Variants in BMPER observed in about 807,000 individuals in gnomAD.
BMPER encodes BMP binding endothelial regulator.
Under a neutral mutation model 87.3 loss-of-function variants are expected in BMPER, and 45 were observed. The ratio of observed to expected loss-of-function variants is 0.52; its 90% confidence interval spans 0.41 to 0.66. BMPER has a LOEUF of 0.66. Ranked by LOEUF, BMPER falls within the 30% of genes least tolerant of loss-of-function variation. The pLI is 0.00. For missense variants in BMPER, 784 were observed against 867.5 expected (o/e 0.90, Z 1.21); for synonymous variants, 326 against 316.2 (o/e 1.03, Z -0.33).
intron 13 of BMPER, among the ~76,000 whole-genome samples, chr7:34,124,149 G>A (rs953813754): frequency 1.3e-5 from 2 of 152,098 alleles, no homozygotes; most frequent in African/African-American, 4.8e-5. Context: ...TTGTCTTGGT[G>A]TAGCTCATTG....
At chr7:34,008,525 A>G (rs1207093971) in intron 6 of BMPER, among the ~76,000 whole-genome samples, 1 of 151,056 alleles carries the variant, frequency 6.6e-6, no homozygotes, top group Non-Finnish European at 1.5e-5. Flanking sequence ...TCTTTTTATG[A>G]TTTTCCAGAA....
intron 13 of BMPER, among the ~76,000 whole-genome samples, chr7:34,096,022 G>T (rs1789521450): frequency 2.0e-5 from 3 of 152,062 alleles, no homozygotes; most frequent in Admixed American, 2.0e-4. Flanking sequence ...CAGATGGAAT[G>T]ACCAAGGTGT....
chr7:33,922,312 T>C (rs1784252175), intron 2 of BMPER, among the ~76,000 whole-genome samples: 1 of 152,238 alleles, frequency 6.6e-6, no homozygotes, highest in African/African-American at 2.4e-5. Flanking sequence ...AATTCCATGA[T>C]GTCACCATTC....
intron 6 of BMPER, among the ~76,000 whole-genome samples, chr7:33,992,503 A>T (rs1401904752): frequency 6.7e-6 from 1 of 148,156 alleles, no homozygotes; most frequent in Non-Finnish European, 1.5e-5. Context: ...TTTTGAGCCT[A>T]TGTGTGTCTC....
At chr7:34,016,774 A>G (rs139220880) in intron 6 of BMPER, among the ~76,000 whole-genome samples, 9 of 151,960 alleles carry the variant, frequency 5.9e-5, no homozygotes, top group African/African-American at 2.2e-4. Flanking sequence ...AACTGCCCTG[A>G]CAAACCCATT....
chr7:33,986,459 T>TG (rs1252948899), intron 6 of BMPER, among the ~76,000 whole-genome samples: 1 of 152,244 alleles, frequency 6.6e-6, no homozygotes, highest in Non-Finnish European at 1.5e-5. Flanking sequence ...TCCATGTTCT[T>TG]GAAAATGAGT....
intron 13 of BMPER, among the ~76,000 whole-genome samples, chr7:34,133,752 T>G (rs886993045): frequency 6.6e-6 from 1 of 152,126 alleles, no homozygotes; most frequent in Non-Finnish European, 1.5e-5. Context: ...CAGAATTGAG[T>G]TAAATTTCAG....
intron 3 of BMPER, among the ~76,000 whole-genome samples, chr7:33,964,223 T>C (rs1164897975): frequency 6.6e-6 from 1 of 152,202 alleles, no homozygotes; most frequent in African/African-American, 2.4e-5. Flanking sequence ...AGTCCTTACA[T>C]ATGAAATCCA....
chr7:34,085,917 G>T lies in BMPER; in HGVS notation c.1570G>T (p.Glu524Ter), dbSNP rs1438260145. 1 of 1,614,140 alleles carries T rather than the reference G, an allele frequency of 6.2e-7. No homozygotes were observed. ...CAAGTTTGATGTGGATGACTTTGCT[G>T]AATCTTGGAGGGTGGAGTCCAATGA... is the stretch of plus-strand genomic sequence containing the variant. ...NFKFDVDDFA[E>*]SWRVESNEFC... is the part of the protein sequence containing the mutation. The change falls in exon 13 of 15, where the codon GAA becomes TAA. Residue 524 changes from glutamate to a stop codon, truncating the protein, a stop_gained. Coordinates refer to ENST00000649409, the MANE Select transcript of BMPER (RefSeq NM_001365308.1). LOFTEE classifies it high-confidence loss of function.
chr7:34,038,977 C>G (rs903544257), intron 6 of BMPER, among the ~76,000 whole-genome samples: 4 of 152,180 alleles, frequency 2.6e-5, no homozygotes, highest in African/African-American at 9.7e-5. Flanking sequence ...ACAGTTCTAC[C>G]CTGTCAGCTC....
intron 11 of BMPER, among the ~76,000 whole-genome samples, chr7:34,076,238 C>G (rs1328054147): frequency 1.3e-5 from 2 of 152,132 alleles, no homozygotes; most frequent in Non-Finnish European, 2.9e-5. Context: ...TCTGCTGCTT[C>G]TATGACGACT....
chr7:34,113,980 TTC>T (rs1337354461), intron 13 of BMPER, among the ~76,000 whole-genome samples: 1 of 152,230 alleles, frequency 6.6e-6, no homozygotes, highest in Non-Finnish European at 1.5e-5. Flanking sequence ...TGGTGCCGTC[TTC>T]TCTCTTACTG....
chr7:34,045,908 C>A (rs1425619131), intron 6 of BMPER, among the ~76,000 whole-genome samples: 1 of 152,124 alleles, frequency 6.6e-6, no homozygotes, highest in East Asian at 1.9e-4. Flanking sequence ...AAAGAGAAGG[C>A]AGTGACCTAT....
At chr7:34,009,193 C>G (rs1786815017) in intron 6 of BMPER, among the ~76,000 whole-genome samples, 1 of 151,884 alleles carries the variant, frequency 6.6e-6, no homozygotes, top group African/African-American at 2.4e-5. Context: ...CCATGTGCCA[C>G]CAAGCCCAGC....
At chr7:34,004,385 G>A (rs1320315585) in intron 6 of BMPER, among the ~76,000 whole-genome samples, 1 of 151,822 alleles carries the variant, frequency 6.6e-6, no homozygotes, top group African/African-American at 2.4e-5. Flanking sequence ...CCAACCTCAG[G>A]GCTTTCACAA....
At chr7:33,992,070 G>A (rs887268061) in intron 6 of BMPER, among the ~76,000 whole-genome samples, 1 of 152,038 alleles carries the variant, frequency 6.6e-6, no homozygotes, top group Admixed American at 6.6e-5. Flanking sequence ...GTGTGGTGTG[G>A]TGCTGAAAAT....
chr7:34,061,809 G>A (rs950191353), intron 10 of BMPER, among the ~76,000 whole-genome samples, 193 bp from the exon 11 acceptor site: 3 of 152,152 alleles, frequency 2.0e-5, no homozygotes, highest in Non-Finnish European at 4.4e-5. Context: ...GACTTTGCCT[G>A]GCCTTAGAAC....
intron 3 of BMPER, among the ~76,000 whole-genome samples, chr7:33,960,297 T>G (rs940773874): frequency 9.9e-5 from 15 of 152,192 alleles, no homozygotes; most frequent in African/African-American, 3.4e-4. Flanking sequence ...AATGAAGTCT[T>G]AAGGATACTG....
chr7:34,017,773 T>C (rs1787070377), intron 6 of BMPER, among the ~76,000 whole-genome samples: 1 of 151,882 alleles, frequency 6.6e-6, no homozygotes, highest in African/African-American at 2.4e-5. Flanking sequence ...TCCCAAGTAA[T>C]GCTGAGGCTG....
Sources: gnomAD v4.1 joint callset for allele counts (sites outside exome capture counted in the v4.1 genomes callset) on GRCh38, gnomAD v4.1.1 for gene constraint, MANE v1.5 for transcripts, NCBI Gene and HGNC (gene_info 2026-07-23, HGNC 2026-07-21) for gene names.